The following FLT1 variants were observed in gnomAD, a reference collection of about 807,000 sequenced individuals.
The protein encoded by FLT1 is fms related receptor tyrosine kinase 1, also known as vascular endothelial growth factor receptor 1.
Under a neutral mutation model 156.3 loss-of-function variants are expected in FLT1, and 49 were observed. The observed-to-expected ratio is 0.31, with a 90% CI of 0.25 to 0.40. The LOEUF is 0.40. Among genes scored for constraint, FLT1 ranks in the 10% least tolerant of loss-of-function variants. FLT1 has a pLI of 1.00. For synonymous variants in FLT1, 594 were observed against 583.8 expected (o/e 1.02, Z -0.25); for missense variants, 1,322 against 1,637.2 (o/e 0.81, Z 3.32).
intron 24 of FLT1, 102 bp downstream of exon 24, chr13:28,319,321 C>T (rs1677144699): frequency 1.3e-6 from 1 of 770,874 alleles, no homozygotes. Flanking sequence ...TTTTTTGTTA[C>T]AGTAGGTTCT....
At chr13:28,315,677 T>C (rs532893186) in intron 25 of FLT1, among the ~76,000 whole-genome samples, 2 of 152,366 alleles carry the variant, frequency 1.3e-5, no homozygotes, top group South Asian at 4.1e-4. Flanking sequence ...AATATTGTTA[T>C]TTAATAATAA....
chr13:28,471,727 T>G (rs1476302469), intron 1 of FLT1, among the ~76,000 whole-genome samples: 1 of 152,200 alleles, frequency 6.6e-6, no homozygotes, highest in African/African-American at 2.4e-5. Flanking sequence ...ATGAGAACTT[T>G]CTAATGCTTC....
intron 10 of FLT1, among the ~76,000 whole-genome samples, chr13:28,410,092 C>T (rs1361064673): frequency 6.6e-6 from 1 of 152,202 alleles, no homozygotes; most frequent in Non-Finnish European, 1.5e-5. Context: ...AAGTATAATG[C>T]ACAATGCACA....
At chr13:28,369,438 T>C (rs1873452422) in intron 14 of FLT1, among the ~76,000 whole-genome samples, 1 of 151,666 alleles carries the variant, frequency 6.6e-6, no homozygotes, top group Non-Finnish European at 1.5e-5. Flanking sequence ...GGCAGGAGAA[T>C]TGCTTGAACC....
chr13:28,378,450 C>T (rs560491547), intron 14 of FLT1, among the ~76,000 whole-genome samples: 10 of 152,300 alleles, frequency 6.6e-5, no homozygotes, highest in African/African-American at 2.4e-4. Context: ...CATTTGTTCT[C>T]TTGTGAGTGA....
intron 8 of FLT1, among the ~76,000 whole-genome samples, chr13:28,428,855 G>A (rs1461748011): frequency 6.6e-6 from 1 of 152,148 alleles, no homozygotes; most frequent in South Asian, 2.1e-4. Flanking sequence ...CCCATTACTA[G>A]TGTGTCTCAG....
chr13:28,440,009 T>TC (rs1338525478), intron 3 of FLT1, among the ~76,000 whole-genome samples: 1 of 152,202 alleles, frequency 6.6e-6, no homozygotes, highest in Non-Finnish European at 1.5e-5. Flanking sequence ...AGAGACCCTT[T>TC]CACCACAGCC....
chr13:28,303,441 C>CAGAAAGAGTAGA, intron 29 of FLT1, 73 bp from the exon 30 acceptor site: 1 of 1,306,456 alleles, frequency 7.7e-7, no homozygotes, highest in Non-Finnish European at 1.1e-6. Context: ...AAAATCTACT[C>CAGAAAGAGTAGA]TTTCTGAGTG....
intron 25 of FLT1, among the ~76,000 whole-genome samples, chr13:28,316,289 C>T (rs561612470): frequency 6.6e-6 from 1 of 152,352 alleles, no homozygotes; most frequent in African/African-American, 2.4e-5. Flanking sequence ...TGCCCTTTGG[C>T]CAAGCCCACA....
At chr13:28,420,757 C>T (rs1876954894) in intron 10 of FLT1, among the ~76,000 whole-genome samples, 1 of 152,134 alleles carries the variant, frequency 6.6e-6, no homozygotes, top group Non-Finnish European at 1.5e-5. Context: ...TAATTAACTA[C>T]CATTAACAAT....
intron 8 of FLT1, among the ~76,000 whole-genome samples, chr13:28,429,719 AAATGCT>A (rs1877559939): frequency 1.3e-5 from 2 of 152,188 alleles, no homozygotes. Flanking sequence ...TACATATTCA[AAATGCT>A]TCCTAGTCAT....
At chr13:28,475,043 G>C (rs1185337949) in intron 1 of FLT1, among the ~76,000 whole-genome samples, 1 of 152,126 alleles carries the variant, frequency 6.6e-6, no homozygotes, top group Non-Finnish European at 1.5e-5. Context: ...GCTGATTTTA[G>C]AGACCTAATT....
intron 13 of FLT1, chr13:28,388,630 G>T (rs1026692609): frequency 1.9e-6 from 2 of 1,055,040 alleles, no homozygotes; most frequent in Non-Finnish European, 2.3e-6. Flanking sequence ...AAATTACTTT[G>T]AATTCTGCTT....
At chr13:28,389,395 C>A in intron 13 of FLT1, 1 of 1,266,906 alleles carries the variant, frequency 7.9e-7, no homozygotes, top group Non-Finnish European at 9.9e-7. Context: ...AAGAGGTTGG[C>A]ATCAAAATGG....
rs1010709912 is a variant in FLT1 at position 28,301,130 on chromosome 13, TTTTA to T, written c.*2033_*2036del. ...GAAATCAAGACATGAATAGCTAAGG[TTTTA>T]TTTGTTATCACTATTTGCTGGGCTA... On this transcript the variant is annotated 3_prime_UTR_variant, in exon 30 of 30. Transcript: ENST00000282397. The T allele has an allele frequency of 2.1e-5, 5 of 232,588 alleles. No homozygotes were observed. The highest frequency in any genetic ancestry group is 2.5e-5 in the Non-Finnish European group (3 of 117,828). The allele number at this position is 232,588 out of a possible 1,614,324, so 14.4% of individuals were successfully genotyped here. A position where few individuals can be genotyped will look rare whatever the true frequency, so the allele number is the denominator to read the frequency against.
At chr13:28,367,730 T>G (rs1873352969) in intron 14 of FLT1, among the ~76,000 whole-genome samples, 1 of 152,266 alleles carries the variant, frequency 6.6e-6, no homozygotes, top group African/African-American at 2.4e-5. Flanking sequence ...AGTGGCTTGT[T>G]GCTCTCCTAA....
chr13:28,483,013 C>A (rs1880947856), intron 1 of FLT1, among the ~76,000 whole-genome samples: 1 of 152,160 alleles, frequency 6.6e-6, no homozygotes, highest in Non-Finnish European at 1.5e-5. Flanking sequence ...TACTCAAAGT[C>A]CATTCCAGGG....
intron 10 of FLT1, among the ~76,000 whole-genome samples, chr13:28,406,494 T>A (rs1875808617): frequency 6.6e-6 from 1 of 152,212 alleles, no homozygotes; most frequent in Non-Finnish European, 1.5e-5. Context: ...ATGAATTCTC[T>A]CTCTGTTTTA....
intron 3 of FLT1, among the ~76,000 whole-genome samples, chr13:28,464,894 G>A (rs612536): frequency 0.037 from 5,619 of 152,246 alleles, 335 homozygotes; most frequent in African/African-American, 0.13. Context: ...TTGCAAGTCA[G>A]ACTGATAAAC....
Sources: allele counts gnomAD v4.1 joint callset (sites outside exome capture counted in the v4.1 genomes callset), GRCh38; gene constraint gnomAD v4.1.1; transcripts MANE v1.5; gene names NCBI Gene and HGNC (gene_info 2026-07-23, HGNC 2026-07-21).